Variants in SORCS3 observed in about 807,000 individuals in gnomAD.
SORCS3 encodes VPS10 domain-containing receptor SorCS3.
In SORCS3, 57 loss-of-function variants were observed where a neutral mutation model predicts 146.3. That is an observed-to-expected ratio of 0.39 (90% confidence interval 0.31 to 0.49). SORCS3 has a LOEUF of 0.49. Among genes scored for constraint, SORCS3 ranks in the 20% least tolerant of loss-of-function variants. The pLI is 0.92. For missense variants in SORCS3, 1,341 were observed against 1,575.5 expected (o/e 0.85, Z 2.52); for synonymous variants, 653 against 618.5 (o/e 1.06, Z -0.83).
rs1170745047 is a variant in SORCS3, at chr10:105,211,247, C to A, written c.2372C>A (p.Thr791Asn). The change falls in exon 17 of 27, where the codon ACT becomes AAT. Residue 791 changes from threonine to asparagine, a missense_variant. Transcript: ENST00000369701. ...CSLGQSYLNS[T>N]GYRRIVSNNC... ...CTTGGTCAAAGCTACCTTAACAGCA[C>A]TGGGTAAGTAAAACACCTACAGGAA... is the stretch of plus-strand genomic sequence containing the variant. 8 of 1,611,040 alleles carry A rather than the reference C, an allele frequency of 5.0e-6. No homozygotes were observed. The highest frequency in any genetic ancestry group is 5.9e-6 in the Non-Finnish European group (7 of 1,177,374).
intron 3 of SORCS3, among the ~76,000 whole-genome samples, chr10:104,940,232 ATATATATT>A (rs1376076126): frequency 1.3e-3 from 29 of 22,432 alleles, no homozygotes; most frequent in East Asian, 5.9e-3. Context: ...ATATATATAT[ATATATATT>A]TTTTTTTTTT....
chr10:104,918,006 A>G (rs2019050243), intron 3 of SORCS3, among the ~76,000 whole-genome samples: 1 of 152,180 alleles, frequency 6.6e-6, no homozygotes, highest in African/African-American at 2.4e-5. Context: ...CAGTAGTCGA[A>G]TTGCTTGTTC....
chr10:104,708,906 G>A (rs745637812), intron 1 of SORCS3, among the ~76,000 whole-genome samples: 27 of 152,200 alleles, frequency 1.8e-4, no homozygotes, highest in Non-Finnish European at 3.2e-4. Context: ...GGAAAACAGA[G>A]TACTATTGCA....
chr10:105,248,147 C>T (rs61388912), intron 22 of SORCS3, among the ~76,000 whole-genome samples: 6,769 of 152,172 alleles, frequency 0.044, 529 homozygotes, highest in African/African-American at 0.15. Flanking sequence ...AACATTTTCT[C>T]AGAGGTAGGC....
chr10:105,124,580 C>G (rs1323349981), intron 7 of SORCS3, among the ~76,000 whole-genome samples: 1 of 152,176 alleles, frequency 6.6e-6, no homozygotes, highest in East Asian at 1.9e-4. Context: ...AAGCAAACAT[C>G]TGTTACAAAA....
chr10:105,027,431 T>A (rs2055238508), intron 4 of SORCS3, among the ~76,000 whole-genome samples: 1 of 152,234 alleles, frequency 6.6e-6, no homozygotes. Flanking sequence ...CCACTTTCTC[T>A]GCTTTAATTT....
At chr10:104,735,945 G>T (rs1329804633) in intron 1 of SORCS3, among the ~76,000 whole-genome samples, 1 of 152,082 alleles carries the variant, frequency 6.6e-6, no homozygotes, top group Non-Finnish European at 1.5e-5. Flanking sequence ...AGTAGCCCAA[G>T]GTGACGCCAA....
At chr10:104,899,264 C>G (rs535534922) in intron 2 of SORCS3, among the ~76,000 whole-genome samples, 18 of 152,320 alleles carry the variant, frequency 1.2e-4, no homozygotes, top group Middle Eastern at 3.4e-3. Context: ...TTCAGCTTAT[C>G]TGGCACATTA....
chr10:105,201,386 C>CAG, intron 16 of SORCS3, 133 bp downstream of exon 16: 1 of 1,099,674 alleles, frequency 9.1e-7, no homozygotes, highest in Non-Finnish European at 1.3e-6. Context: ...GCCTGTGGGC[C>CAG]CATCCATCCC....
At chr10:105,229,491 T>A (rs2056754825) in intron 20 of SORCS3, among the ~76,000 whole-genome samples, 1 of 152,202 alleles carries the variant, frequency 6.6e-6, no homozygotes, top group Non-Finnish European at 1.5e-5. Flanking sequence ...TTCCAGTTTT[T>A]TGAATTTGCT....
chr10:104,687,755 C>G (rs1027818985), intron 1 of SORCS3, among the ~76,000 whole-genome samples: 1 of 152,126 alleles, frequency 6.6e-6, no homozygotes, highest in African/African-American at 2.4e-5. Context: ...GGCACAGGCT[C>G]TGGAGTCTGA....
intron 1 of SORCS3, among the ~76,000 whole-genome samples, chr10:104,819,689 A>C (rs952976925): frequency 6.6e-6 from 1 of 152,156 alleles, no homozygotes; most frequent in African/African-American, 2.4e-5. Flanking sequence ...TCCTACTCAC[A>C]TGCAACCTAC....
chr10:104,801,715 C>G (rs183434665), intron 1 of SORCS3, among the ~76,000 whole-genome samples: 2 of 151,944 alleles, frequency 1.3e-5, no homozygotes, highest in South Asian at 2.1e-4. Context: ...AAGCAGGGCC[C>G]GAAAGAAGGA....
intron 2 of SORCS3, among the ~76,000 whole-genome samples, chr10:104,912,744 T>A (rs2018981675): frequency 1.3e-5 from 2 of 152,214 alleles, no homozygotes; most frequent in African/African-American, 2.4e-5. Flanking sequence ...AAAACATGGT[T>A]CTAGTCTTCA....
chr10:104,660,230 A>G (rs989080684), intron 1 of SORCS3, among the ~76,000 whole-genome samples: 1 of 152,222 alleles, frequency 6.6e-6, no homozygotes, highest in Non-Finnish European at 1.5e-5. Context: ...TCTGCTTCTT[A>G]TTTTAAGTTA....
intron 1 of SORCS3, among the ~76,000 whole-genome samples, chr10:104,703,518 G>A (rs760246872): frequency 2.6e-5 from 4 of 151,680 alleles, no homozygotes; most frequent in Non-Finnish European, 4.4e-5. Flanking sequence ...ACCAAACACT[G>A]CATGTTCTCA....
At chr10:105,102,823 C>G (rs955069295) in intron 6 of SORCS3, among the ~76,000 whole-genome samples, 3 of 98,952 alleles carry the variant, frequency 3.0e-5, no homozygotes, top group Non-Finnish European at 5.5e-5. Flanking sequence ...TGGAGTTTTG[C>G]TCTGTCACCA....
At chr10:104,985,626 A>G (rs965156095) in intron 4 of SORCS3, among the ~76,000 whole-genome samples, 1 of 152,160 alleles carries the variant, frequency 6.6e-6, no homozygotes, top group African/African-American at 2.4e-5. Context: ...TGGCAGCTAT[A>G]GTCTTATGAA....
chr10:104,879,195 T>A (rs2018607023), intron 2 of SORCS3, among the ~76,000 whole-genome samples: 1 of 152,222 alleles, frequency 6.6e-6, no homozygotes, highest in African/African-American at 2.4e-5. Flanking sequence ...GTTTTGTAAG[T>A]TAGAAGTCCA....
Sources: gnomAD v4.1 joint callset for allele counts (sites outside exome capture counted in the v4.1 genomes callset) on GRCh38, gnomAD v4.1.1 for gene constraint, MANE v1.5 for transcripts, NCBI Gene and HGNC (gene_info 2026-07-23, HGNC 2026-07-21) for gene names.